LRRTM4: variants seen among roughly 807,000 people sequenced by gnomAD.
The protein encoded by LRRTM4 is leucine rich repeat transmembrane neuronal 4.
In LRRTM4, 25 loss-of-function variants were observed where a neutral mutation model predicts 47.6. The ratio of observed to expected loss-of-function variants is 0.53; its 90% CI spans 0.38 to 0.73. The LOEUF (loss-of-function observed/expected upper bound fraction) is 0.73, where lower values mean the gene tolerates loss of function less well. LRRTM4 is among the 30% of genes least tolerant of loss of function. LRRTM4 has a pLI of 0.00. For synonymous variants in LRRTM4, 311 were observed against 269.5 expected (o/e 1.15, Z -1.51); for missense variants, 638 against 713.4 (o/e 0.89, Z 1.20).
chr2:77,481,031 C>A (rs1465661030), intron 3 of LRRTM4, among the ~76,000 whole-genome samples: 2 of 152,152 alleles, frequency 1.3e-5, no homozygotes, highest in Non-Finnish European at 2.9e-5. Flanking sequence ...AAATACAGCA[C>A]TTGCCATTCC....
At position 76,805,217 on chromosome 2, in the gene LRRTM4, A is replaced by G. The variant is rs574438395; in HGVS notation, c.1552-56301T>C. Among the ~76,000 whole-genome samples the G allele has an allele frequency of 3.9e-5, 6 of 152,258 alleles. No individual in the cohort carries two copies. The East Asian group carries it at 1.2e-3, about 29-fold the overall frequency. ...TCCTAATGAAATTCCACTTGTGGGA[A>G]AAAGCCCTAAAAAATTGTGTACAAA... is the stretch of plus-strand genomic sequence containing the variant. On this transcript the variant is annotated intron_variant, in intron 3 of 3. Transcript: ENST00000409884.
chr2:77,175,238 G>A (rs1673161807), intron 3 of LRRTM4, among the ~76,000 whole-genome samples: 1 of 151,760 alleles, frequency 6.6e-6, no homozygotes. Flanking sequence ...GTTGGGAAAA[G>A]CTGAGTCTCG....
At chr2:76,869,039 G>C (rs577979053) in intron 3 of LRRTM4, among the ~76,000 whole-genome samples, 1 of 151,804 alleles carries the variant, frequency 6.6e-6, no homozygotes, top group African/African-American at 2.4e-5. Flanking sequence ...GGCCAGGCGC[G>C]GTGGCTCACG....
At chr2:76,909,438 G>A (rs1417657675) in intron 3 of LRRTM4, among the ~76,000 whole-genome samples, 3 of 151,998 alleles carry the variant, frequency 2.0e-5, no homozygotes, top group Non-Finnish European at 4.4e-5. Context: ...GCATGGGCAA[G>A]GACTTCATGT....
intron 3 of LRRTM4, among the ~76,000 whole-genome samples, chr2:77,016,811 G>C (rs537700001): frequency 6.6e-6 from 1 of 151,684 alleles, no homozygotes; most frequent in Non-Finnish European, 1.5e-5. Context: ...AACATTTGCC[G>C]CCTCTGGCTG....
At chr2:76,804,246 C>G (rs1249403464) in intron 3 of LRRTM4, among the ~76,000 whole-genome samples, 1 of 152,128 alleles carries the variant, frequency 6.6e-6, no homozygotes. Flanking sequence ...TAGAAACAGG[C>G]ATTCTATTGT....
intron 3 of LRRTM4, among the ~76,000 whole-genome samples, chr2:77,048,980 A>G (rs954989016): frequency 2.6e-5 from 4 of 151,230 alleles, no homozygotes; most frequent in African/African-American, 9.7e-5. Context: ...GTAGAAAATC[A>G]GCTTTTTAGT....
intron 3 of LRRTM4, among the ~76,000 whole-genome samples, chr2:77,416,340 C>T (rs1204007383): frequency 1.3e-5 from 2 of 151,956 alleles, no homozygotes; most frequent in South Asian, 4.2e-4. Context: ...CACTTTGGGA[C>T]ATTTTGCAAC....
chr2:77,456,918 G>A (rs1467527877), intron 3 of LRRTM4, among the ~76,000 whole-genome samples: 8 of 144,832 alleles, frequency 5.5e-5, no homozygotes, highest in Non-Finnish European at 9.0e-5. Context: ...TATTATATAT[G>A]AATCTATAAT....
chr2:77,102,421 T>C (rs1292120409), intron 3 of LRRTM4, among the ~76,000 whole-genome samples: 1 of 152,210 alleles, frequency 6.6e-6, no homozygotes, highest in East Asian at 1.9e-4. Flanking sequence ...TTCAGAGTTC[T>C]TTTTCTGCTC....
chr2:76,937,283 G>A (rs1260145757), intron 3 of LRRTM4, among the ~76,000 whole-genome samples: 1 of 151,990 alleles, frequency 6.6e-6, no homozygotes, highest in African/African-American at 2.4e-5. Flanking sequence ...ATTAACTGAT[G>A]CAAACCAAAA....
intron 3 of LRRTM4, among the ~76,000 whole-genome samples, chr2:76,829,346 T>C (rs1671271088): frequency 6.6e-6 from 1 of 151,968 alleles, no homozygotes; most frequent in Non-Finnish European, 1.5e-5. Flanking sequence ...GCAAGGTAAG[T>C]GTATCCATTT....
intron 3 of LRRTM4, among the ~76,000 whole-genome samples, chr2:77,110,752 G>T (rs1283946938): frequency 6.6e-6 from 1 of 151,994 alleles, no homozygotes; most frequent in Non-Finnish European, 1.5e-5. Context: ...GGTGTCTAAG[G>T]TACATTGATA....
chr2:76,762,479 AAACTACTTCAATG>A (rs1673294283), intron 3 of LRRTM4, among the ~76,000 whole-genome samples: 1 of 152,194 alleles, frequency 6.6e-6, no homozygotes, highest in African/African-American at 2.4e-5. Flanking sequence ...CCTTCACCCC[AAACTACTTCAATG>A]AATGTGTGTC....
intron 3 of LRRTM4, among the ~76,000 whole-genome samples, chr2:77,049,785 T>G (rs1558549977): frequency 6.6e-6 from 1 of 152,112 alleles, no homozygotes; most frequent in South Asian, 2.1e-4. Context: ...GCAGAAGCTG[T>G]TTAGTTTGAT....
At chr2:76,851,308 T>C (rs1256708734) in intron 3 of LRRTM4, among the ~76,000 whole-genome samples, 2 of 152,168 alleles carry the variant, frequency 1.3e-5, no homozygotes, top group African/African-American at 2.4e-5. Context: ...AAAAAAATGA[T>C]GCCATTCAAG....
intron 3 of LRRTM4, among the ~76,000 whole-genome samples, chr2:76,789,346 G>C (rs979618282): frequency 1.3e-5 from 2 of 152,162 alleles, no homozygotes; most frequent in African/African-American, 4.8e-5. Context: ...TACCACTGCT[G>C]TCCCTCGCAG....
At chr2:76,777,534 G>A (rs1186332639) in intron 3 of LRRTM4, among the ~76,000 whole-genome samples, 2 of 137,632 alleles carry the variant, frequency 1.5e-5, no homozygotes, top group East Asian at 2.3e-4. Flanking sequence ...GTGAATGGGA[G>A]TTCACTCATG....
chr2:76,982,598 A>T (rs1337255895), intron 3 of LRRTM4, among the ~76,000 whole-genome samples: 1 of 152,032 alleles, frequency 6.6e-6, no homozygotes, highest in Admixed American at 6.6e-5. Flanking sequence ...GGGTGGTAGA[A>T]TATGACTTAG....
Sources: gnomAD v4.1 joint callset for allele counts (sites outside exome capture counted in the v4.1 genomes callset) on GRCh38, gnomAD v4.1.1 for gene constraint, MANE v1.5 for transcripts, NCBI Gene and HGNC (gene_info 2026-07-23, HGNC 2026-07-21) for gene names.